Variants in TRIM8 observed in about 807,000 individuals in gnomAD.
TRIM8 encodes the protein E3 ubiquitin-protein ligase TRIM8.
In TRIM8, 9 loss-of-function variants were observed where a neutral mutation model predicts 55.7. The observed-to-expected ratio is 0.16, with a 90% CI of 0.10 to 0.28. The LOEUF is 0.28. Among genes scored for constraint, TRIM8 ranks in the 10% least tolerant of loss-of-function variants. TRIM8 has a pLI of 1.00. For missense variants in TRIM8, 556 were observed against 736.4 expected (o/e 0.76, Z 2.83); for synonymous variants, 335 against 333.3 (o/e 1.01, Z -0.06).
chr10:102,646,403 T>C (rs542372055), intron 1 of TRIM8, among the ~76,000 whole-genome samples: 1 of 152,202 alleles, frequency 6.6e-6, no homozygotes, highest in South Asian at 2.1e-4. Context: ...GGAGGCTGGC[T>C]ATGAGGAAGC....
intron 1 of TRIM8, among the ~76,000 whole-genome samples, chr10:102,651,397 TCC>T (rs2063983734): frequency 6.6e-6 from 1 of 152,152 alleles, no homozygotes; most frequent in Admixed American, 6.5e-5. Context: ...GAGGGGTCAC[TCC>T]CTGGGCATCA....
chr10:102,656,713 G>T lies in TRIM8; in HGVS notation c.1049-34G>T, dbSNP rs769544425. On this transcript the variant is annotated intron_variant, in intron 5 of 5. Transcript: ENST00000643721. The surrounding 1 kb of genome is among the most constrained non-coding windows in gnomAD (Gnocchi z 4.6). ...AGGAGGCCTGGGTTGCTTGGGGTGG[G>T]AGCTTTGGCGACTTTTGCCCCAACT... is the stretch of plus-strand genomic sequence containing the variant. 1 of 1,506,598 alleles carries T rather than the reference G, an allele frequency of 6.6e-7. No individual in the cohort carries two copies. Among genetic ancestry groups the T allele is most frequent in the Middle Eastern group, 2.5e-4 (1 of 4,056 alleles). The allele number at this position is 1,506,598 out of a possible 1,614,324, so 93.3% of individuals were successfully genotyped here. A position where few individuals can be genotyped will look rare whatever the true frequency, so the allele number is the denominator to read the frequency against.
chr10:102,650,829 G>C (rs779919313), intron 1 of TRIM8, among the ~76,000 whole-genome samples: 110 of 152,260 alleles, frequency 7.2e-4, no homozygotes, highest in Non-Finnish European at 1.4e-3. Flanking sequence ...GTGGTGGGGG[G>C]TCTGGGCCTT....
intron 1 of TRIM8, among the ~76,000 whole-genome samples, chr10:102,653,235 C>A (rs1460050446): frequency 6.6e-6 from 1 of 152,184 alleles, no homozygotes; most frequent in Admixed American, 6.5e-5. Flanking sequence ...GGGACCTGCA[C>A]AGGCTCAGAG....
intron 1 of TRIM8, among the ~76,000 whole-genome samples, chr10:102,652,551 C>T (rs10786701): frequency 0.11 from 16,886 of 152,166 alleles, 1,341 homozygotes; most frequent in East Asian, 0.41. Context: ...TCTCAGGCCG[C>T]CCAGGCCTTT....
chr10:102,645,404 G>A, intron 1 of TRIM8: 1 of 515,058 alleles, frequency 1.9e-6, no homozygotes, highest in Non-Finnish European at 3.4e-6. Context: ...TGCGCACAGG[G>A]TCCGTCTTCT....
At chr10:102,651,277 A>G (rs2063982704) in intron 1 of TRIM8, among the ~76,000 whole-genome samples, 1 of 152,210 alleles carries the variant, frequency 6.6e-6, no homozygotes, top group African/African-American at 2.4e-5. Context: ...GCCGGCTCCC[A>G]GGGTAGAAGT....
rs1426017374 is a variant in TRIM8 at position 102,657,104 on chromosome 10, C to G, written c.1406C>G (p.Ser469Cys). 1 of 1,613,902 alleles carries G rather than the reference C, an allele frequency of 6.2e-7. No individual in the cohort carries two copies. The highest frequency in any genetic ancestry group is 1.3e-5 in the African/African-American group (1 of 75,062). ...GGCGGCCGCAAGATTCTCGTCTGTT[C>G]TGTGGACAACTGTTACTGTTCTTCC... is the stretch of plus-strand genomic sequence containing the variant. The part of the protein sequence containing the change: ...QYGGRKILVC[S>C]VDNCYCSSVA... The change falls in exon 6 of 6, where the codon TCT becomes TGT. Residue 469 changes from serine to cysteine, a missense_variant. Coordinates refer to ENST00000643721, the MANE Select transcript of TRIM8 (RefSeq NM_030912.3).
At chr10:102,653,518 C>T (rs1308763508) in intron 1 of TRIM8, 1 of 152,714 alleles carries the variant, frequency 6.5e-6, no homozygotes, top group Non-Finnish European at 1.5e-5. Context: ...AGAGGCATAT[C>T]TGGTGAGAGG....
Position 102,644,899 on chromosome 10 carries a change from C to G in TRIM8, c.282C>G (p.Phe94Leu). 1 of 1,609,184 alleles carries G rather than the reference C, an allele frequency of 6.2e-7. No individual in the cohort carries two copies. The highest frequency in any genetic ancestry group is 8.5e-7 in the Non-Finnish European group (1 of 1,178,188). ...EKPPAALHCV[F>L]CRRGPPLPAQ... ...CGCCGGCGGCGCTGCACTGCGTGTT[C>G]TGCCGCCGCGGCCCCCCGCTGCCCG... Residue 94 changes from phenylalanine (F) to leucine (L), a missense_variant, in exon 1 of 6, where the codon TTC becomes TTG. Transcript: ENST00000643721.
At chr10:102,651,344 C>T (rs1016393220) in intron 1 of TRIM8, among the ~76,000 whole-genome samples, 1 of 152,150 alleles carries the variant, frequency 6.6e-6, no homozygotes, top group Non-Finnish European at 1.5e-5. Flanking sequence ...TGAGCCCCAC[C>T]CCCCCAGGAC....
In TRIM8 at chr10:102,656,856, C is replaced by T; in HGVS notation, c.1158C>T (p.Ala386=). Residue 386 remains alanine (A), a synonymous_variant, in exon 6 of 6, where the codon GCC becomes GCT. Coordinates refer to ENST00000643721, the MANE Select transcript of TRIM8 (RefSeq NM_030912.3). This position sits in a 1 kb window ranked among gnomAD's most constrained non-coding sequence, Gnocchi z 4.6. ...AGCACTCAACGGCCTTCCCAGAGGC[C>T]AGTTTCCTAGAGACGTCGTCGGGCC... The part of the protein sequence containing the change: ...KRKHSTAFPE[A]SFLETSSGPV... 6.4e-7 allele frequency: 1 copy of T among 1,557,838 alleles called. No individual in the cohort carries two copies.
At chr10:102,651,348 C>T (rs2063983224) in intron 1 of TRIM8, among the ~76,000 whole-genome samples, 1 of 152,188 alleles carries the variant, frequency 6.6e-6, no homozygotes, top group Non-Finnish European at 1.5e-5. Context: ...CCCCACCCCC[C>T]CAGGACTGGA....
intron 1 of TRIM8, among the ~76,000 whole-genome samples, chr10:102,651,453 G>T: frequency 6.6e-6 from 1 of 152,230 alleles, no homozygotes; most frequent in Non-Finnish European, 1.5e-5. Context: ...TGCGGGGTGG[G>T]TGTGGACAGC....
At position 102,657,271 on chromosome 10, in the gene TRIM8, C is replaced by G. The variant is rs765249734; in HGVS notation, c.1573C>G (p.Leu525Val). Residue 525 changes from leucine to valine, a missense_variant, in exon 6 of 6, where the codon CTT (leucine) becomes GTT (valine). This residue lies in a region of TRIM8 where 391 missense variants were observed against 441.0 expected (regional missense o/e 0.89). Coordinates refer to ENST00000643721, the MANE Select transcript of TRIM8 (RefSeq NM_030912.3). ...TCCCAGCCTGGCGGTCAGAGACTGG[C>G]TTGACGCCTCCCAGCAGCCCGGCCA... ...SLPSLAVRDW[L>V]DASQQPGHQD... 1.2e-6 allele frequency: 2 copies of G among 1,613,886 alleles called. No homozygotes were observed. The highest frequency in any genetic ancestry group is 1.7e-5 in the Admixed American group (1 of 59,992).
At chr10:102,646,206 C>A (rs987589057) in intron 1 of TRIM8, among the ~76,000 whole-genome samples, 1 of 152,212 alleles carries the variant, frequency 6.6e-6, no homozygotes, top group Non-Finnish European at 1.5e-5. Context: ...GGTCCCTCCC[C>A]AGTCCTCTGG....
Position 102,656,019 on chromosome 10 carries a change from A to AG in TRIM8, c.901-80dup, listed in dbSNP as rs1407052723. Reference sequence around the variant, plus strand: ...GATCCACCCAGCCTGGGGGAGGCTCAGGGGGGGCAGCTTTTGTCTTCCCCT... The same window carrying AG: ...GATCCACCCAGCCTGGGGGAGGCTCAGGGGGGGGCAGCTTTTGTCTTCCCCT... On this transcript the variant is annotated intron_variant, in intron 3 of 5. Transcript: ENST00000643721. This position sits in a 1 kb window ranked among gnomAD's most constrained non-coding sequence, Gnocchi z 4.6. The AG allele has an allele frequency of 2.6e-4, 416 of 1,596,798 alleles. 1 individual carries two copies. Among genetic ancestry groups the AG allele is most frequent in the Middle Eastern group, 5.0e-4 (3 of 6,046 alleles).
intron 1 of TRIM8, among the ~76,000 whole-genome samples, chr10:102,650,743 G>C (rs1352415847): frequency 2.0e-5 from 3 of 152,236 alleles, no homozygotes; most frequent in African/African-American, 7.2e-5. Context: ...GTTTTTCCCA[G>C]GTGGGAAGTG....
intron 1 of TRIM8, among the ~76,000 whole-genome samples, chr10:102,650,828 G>A (rs1166730228): frequency 6.6e-6 from 1 of 152,122 alleles, no homozygotes; most frequent in Non-Finnish European, 1.5e-5. Flanking sequence ...GGTGGTGGGG[G>A]GTCTGGGCCT....
Sources: allele counts gnomAD v4.1 joint callset (sites outside exome capture counted in the v4.1 genomes callset), GRCh38; gene constraint gnomAD v4.1.1; regional missense constraint gnomAD v4.1.1; non-coding constraint Gnocchi (gnomAD v3.1); transcripts MANE v1.5; gene names NCBI Gene and HGNC (gene_info 2026-07-23, HGNC 2026-07-21).